The following TRMT9B variants were observed in gnomAD, a reference collection of about 807,000 sequenced individuals.
TRMT9B encodes the protein tRNA methyltransferase 9B (putative).
TRMT9B carries 16 observed loss-of-function variants against 11.5 expected under a neutral mutation model. The ratio of observed to expected loss-of-function variants is 1.39; its 90% CI spans 0.94 to 2.11. The LOEUF is 2.11. TRMT9B is among the 30% of genes most tolerant of loss of function. The probability of loss-of-function intolerance (pLI) is 0.00; values close to 1 mark genes in which losing one functional copy is unlikely to be tolerated. For missense variants in TRMT9B, 941 were observed against 553.8 expected (o/e 1.70, Z -7.02); for synonymous variants, 274 against 192.4 (o/e 1.42, Z -3.51).
chr8:12,973,701 A>T (rs1361631669), intron 1 of TRMT9B, among the ~76,000 whole-genome samples: 1 of 152,140 alleles, frequency 6.6e-6, no homozygotes, highest in African/African-American at 2.4e-5. Flanking sequence ...ACGGTGGATT[A>T]TCCGTTTCAG....
rs145120297 is a variant in TRMT9B at position 13,008,973 on chromosome 8, C to T, written c.154+2617C>T. Among the ~76,000 whole-genome samples the T allele has an allele frequency of 3.3e-3, 507 of 152,058 alleles. 2 individuals carry two copies. Among genetic ancestry groups the T allele is most frequent in the African/African-American group, 0.012 (488 of 41,470 alleles). On this transcript the variant is annotated intron_variant, in intron 3 of 4. Coordinates refer to ENST00000524591, the MANE Select transcript of TRMT9B (RefSeq NM_020844.3). ...TCGATCTCCTGACTTTGTGATCCAC[C>T]GACCTTCGCCTCCCAAAGTGCTGGG...
intron 1 of TRMT9B, among the ~76,000 whole-genome samples, chr8:12,978,507 TGATAGATAGATGATAGATAGATA>T (rs1242951928): frequency 0.019 from 1,848 of 96,884 alleles, 18 homozygotes; most frequent in Non-Finnish European, 0.026. Context: ...GATAGACAGA[TGATAGATAGATGATAGATAGATA>T]GATAGATAGA....
intron 4 of TRMT9B, among the ~76,000 whole-genome samples, chr8:13,015,847 G>C (rs529697960): frequency 6.6e-6 from 1 of 151,944 alleles, no homozygotes; most frequent in African/African-American, 2.4e-5. Flanking sequence ...TACCATCTTC[G>C]AATTAAAAAT....
In TRMT9B at chr8:13,029,393, G is replaced by A. The variant is rs991842991; in HGVS notation, c.*7349G>A. The A allele has an allele frequency of 3.0e-5, 5 of 166,980 alleles. No individual in the cohort carries two copies. Among genetic ancestry groups the A allele is most frequent in the East Asian group, 1.9e-4 (1 of 5,210 alleles). The allele number at this position is 166,980 out of a possible 1,614,324, so 10.3% of individuals were successfully genotyped here. A position where few individuals can be genotyped will look rare whatever the true frequency, so the allele number is the denominator to read the frequency against. On this transcript the variant is annotated 3_prime_UTR_variant, in exon 5 of 5. Transcript: ENST00000524591. Reference sequence around the variant, plus strand: ...AATATTTTGACTTTTATAATAATGCGAAGTAGTTTTATTTGCATTAATCAA... The same window carrying A: ...AATATTTTGACTTTTATAATAATGCAAAGTAGTTTTATTTGCATTAATCAA...
chr8:12,952,337 G>T (rs1304402165), intron 1 of TRMT9B: 1 of 329,848 alleles, frequency 3.0e-6, no homozygotes, highest in South Asian at 2.1e-5. Context: ...CCCGGAGCCC[G>T]CGCCCGGGTC....
chr8:13,005,073 G>A (rs9644018), intron 2 of TRMT9B, among the ~76,000 whole-genome samples: 34,723 of 146,630 alleles, frequency 0.24, 4,983 homozygotes, highest in East Asian at 0.57. Context: ...GCGATACAGC[G>A]AGACTGCATC....
chr8:12,959,370 T>G (rs1342408134), intron 1 of TRMT9B, among the ~76,000 whole-genome samples: 2 of 152,214 alleles, frequency 1.3e-5, no homozygotes, highest in African/African-American at 4.8e-5. Context: ...AAAGATTGTA[T>G]AAAATTACCT....
chr8:12,994,196 G>A (rs752608605), intron 2 of TRMT9B, among the ~76,000 whole-genome samples: 13 of 152,174 alleles, frequency 8.5e-5, no homozygotes, highest in South Asian at 2.1e-4. Context: ...AAACGTCTGC[G>A]ACTGCAAATA....
At chr8:13,001,192 G>C (rs1385975538) in intron 2 of TRMT9B, among the ~76,000 whole-genome samples, 2 of 152,182 alleles carry the variant, frequency 1.3e-5, no homozygotes, top group African/African-American at 4.8e-5. Context: ...CAGACTCCAA[G>C]TGATCACAAC....
intron 2 of TRMT9B, among the ~76,000 whole-genome samples, chr8:12,995,236 G>T (rs113886365): frequency 5.7e-4 from 86 of 152,210 alleles, no homozygotes; most frequent in African/African-American, 2.0e-3. Context: ...TTAACACAAA[G>T]CTTCAAGCAA....
intron 1 of TRMT9B, among the ~76,000 whole-genome samples, chr8:12,961,043 A>G (rs901591597): frequency 1.3e-5 from 2 of 152,138 alleles, no homozygotes; most frequent in African/African-American, 4.8e-5. Context: ...CGGGAGGCTG[A>G]GGCAGGAGAA....
chr8:12,968,323 G>C (rs901441156), intron 1 of TRMT9B, among the ~76,000 whole-genome samples: 1 of 152,218 alleles, frequency 6.6e-6, no homozygotes, highest in Non-Finnish European at 1.5e-5. Context: ...GTGAGGAAGT[G>C]GGCAGATCTT....
chr8:12,999,055 C>G (rs565895775), intron 2 of TRMT9B, among the ~76,000 whole-genome samples: 27 of 152,032 alleles, frequency 1.8e-4, no homozygotes, highest in Non-Finnish European at 2.6e-4. Context: ...AATCCTAGCA[C>G]TTTGGTAGGC....
chr8:12,958,525 G>C (rs181418618), intron 1 of TRMT9B: 1 of 159,930 alleles, frequency 6.3e-6, no homozygotes, highest in Non-Finnish European at 1.4e-5. Context: ...ACTACCTGCT[G>C]AAAAAAGCAC....
At chr8:12,987,507 G>A (rs992338671) in intron 1 of TRMT9B, among the ~76,000 whole-genome samples, 3 of 152,030 alleles carry the variant, frequency 2.0e-5, no homozygotes, top group Non-Finnish European at 2.9e-5. Flanking sequence ...CCTGGGGAAC[G>A]TAGGGAGACC....
chr8:12,978,196 C>G (rs1453549113), intron 1 of TRMT9B, among the ~76,000 whole-genome samples: 2 of 152,168 alleles, frequency 1.3e-5, no homozygotes, highest in Non-Finnish European at 1.5e-5. Context: ...TCACAAACTT[C>G]CTGCTCATCA....
chr8:13,004,689 T>C (rs1436691514), intron 2 of TRMT9B, among the ~76,000 whole-genome samples: 2 of 151,994 alleles, frequency 1.3e-5, no homozygotes, highest in East Asian at 3.9e-4. Context: ...GCTGTGGGCC[T>C]TGGGTGAGAC....
chr8:12,962,420 A>C (rs1009826748), intron 1 of TRMT9B, among the ~76,000 whole-genome samples: 4 of 152,300 alleles, frequency 2.6e-5, no homozygotes, highest in African/African-American at 9.6e-5. Context: ...ATGTGTTGGC[A>C]GTATGTGCAT....
chr8:13,018,401 A>AAC (rs1813192890), intron 4 of TRMT9B, among the ~76,000 whole-genome samples: 1 of 148,542 alleles, frequency 6.7e-6, no homozygotes, highest in African/African-American at 2.5e-5. Flanking sequence ...TGTCTCAAAA[A>AAC]AAAAAAAACG....
Sources: gnomAD v4.1 joint callset for allele counts (sites outside exome capture counted in the v4.1 genomes callset) on GRCh38, gnomAD v4.1.1 for gene constraint, MANE v1.5 for transcripts, NCBI Gene and HGNC (gene_info 2026-07-23, HGNC 2026-07-21) for gene names.